The following PCDHGB6 variants were observed in gnomAD, a reference collection of about 807,000 sequenced individuals.
The protein encoded by PCDHGB6 is protocadherin gamma-B6.
Under a neutral mutation model 59.1 loss-of-function variants are expected in PCDHGB6, and 51 were observed. That is an observed-to-expected ratio of 0.86 (90% confidence interval 0.69 to 1.09). The LOEUF is 1.09. PCDHGB6 is among the 50% of genes least tolerant of loss of function. The probability of loss-of-function intolerance (pLI) is 0.00; values close to 1 mark genes in which losing one functional copy is unlikely to be tolerated. For missense variants in PCDHGB6, 1,148 were observed against 1,205.1 expected (o/e 0.95, Z 0.70); for synonymous variants, 466 against 495.1 (o/e 0.94, Z 0.78).
rs2095305446 is a variant in PCDHGB6, at chr5:141,409,715, G to C, written c.1513G>C (p.Val505Leu). 5.6e-6 allele frequency: 9 copies of C among 1,613,084 alleles called. No homozygotes were observed. Among genetic ancestry groups the C allele is most frequent in the Admixed American group, 1.7e-5 (1 of 59,996 alleles). The change falls in exon 1 of 4, where the codon GTG (valine) becomes CTG (leucine). Residue 505 changes from valine (V) to leucine (L), a missense_variant. Val to Leu is a conservative substitution (Grantham distance 32). This residue lies in a region of PCDHGB6 where 549 missense variants were observed against 527.5 expected (regional missense o/e 1.04). Transcript: ENST00000520790. The stretch of plus-strand genomic sequence containing the variant: ...AGAGCCCCTGGCGGTGTCGTCATAC[G>C]TGTCAGTGAGCGCGCAGAGCGGGGT... Reference protein sequence around the residue: ...DLEPLAVSSYVSVSAQSGVVF... With the variant: ...DLEPLAVSSYLSVSAQSGVVF...
At chr5:141,445,269 C>A (rs535300313) in intron 1 of PCDHGB6, among the ~76,000 whole-genome samples, 1 of 152,260 alleles carries the variant, frequency 6.6e-6, no homozygotes, top group Non-Finnish European at 1.5e-5. Flanking sequence ...AAGTCGAAAC[C>A]ACTCTGCATA....
At chr5:141,424,357 G>A (rs1171882619) in intron 1 of PCDHGB6, 1 of 152,122 alleles carries the variant, frequency 6.6e-6, no homozygotes, top group Non-Finnish European at 1.5e-5. Context: ...ATAAAATTTA[G>A]ATCACATTTT....
chr5:141,445,825 G>A (rs1031190864), intron 1 of PCDHGB6, among the ~76,000 whole-genome samples: 8 of 152,124 alleles, frequency 5.3e-5, no homozygotes, highest in Non-Finnish European at 1.2e-4. Context: ...AATAAGGCAG[G>A]GAGAGCCTTG....
intron 1 of PCDHGB6, chr5:141,420,925 G>A: frequency 2.8e-6 from 1 of 355,536 alleles, no homozygotes; most frequent in Non-Finnish European, 5.1e-6. Context: ...TCACAAAGGT[G>A]AGCGTAATCA....
At chr5:141,436,829 G>C (rs1194891483) in intron 1 of PCDHGB6, among the ~76,000 whole-genome samples, 3 of 152,214 alleles carry the variant, frequency 2.0e-5, no homozygotes, top group African/African-American at 7.2e-5. Flanking sequence ...AAAATCTTAA[G>C]TGCCTAGGCA....
At chr5:141,478,189 C>T (rs774322691) in intron 1 of PCDHGB6, 1 of 1,614,020 alleles carries the variant, frequency 6.2e-7, no homozygotes, top group South Asian at 1.1e-5. Context: ...AAAATCTCAC[C>T]TTTTATCTAC....
In PCDHGB6 at chr5:141,408,237, G is replaced by C. The variant is rs1445060280; in HGVS notation, c.35G>C (p.Gly12Ala). 3.2e-6 allele frequency: 5 copies of C among 1,575,002 alleles called. No individual in the cohort carries two copies. In the South Asian group the frequency reaches 4.6e-5, roughly 14 times the overall value. Residue 12 changes from glycine (G) to alanine (A), a missense_variant, in exon 1 of 4, where the codon GGC becomes GCC. By Grantham distance (60) the Gly-to-Ala change is moderately conservative. Around this residue, in one of 5 missense-constraint regions of PCDHGB6, gnomAD observed 307 missense variants for 323.8 expected, o/e 0.95. Transcript: ENST00000520790. ...AGCTGCGCGCAGAGGCGCCGGGCCG[G>C]CCCGCGGCAGGTGCTATTTCCTTTG... ...GGSCAQRRRA[G>A]PRQVLFPLLL...
Position 141,511,178 on chromosome 5 carries a change from G to A in PCDHGB6, c.*5G>A. The A allele has an allele frequency of 6.2e-7, 1 of 1,614,090 alleles. No homozygotes were observed. Among genetic ancestry groups the A allele is most frequent in the South Asian group, 1.1e-5 (1 of 91,074 alleles). On this transcript the variant is annotated 3_prime_UTR_variant, in exon 4 of 4. Coordinates refer to ENST00000520790, the MANE Select transcript of PCDHGB6 (RefSeq NM_018926.3). ...GGCAAGAAGGAGAAGAAGTAACATG[G>A]AGGCCAGGCCAAGAGCCACAGGGCG...
chr5:141,445,334 A>G (rs1337991795), intron 1 of PCDHGB6, among the ~76,000 whole-genome samples: 1 of 152,224 alleles, frequency 6.6e-6, no homozygotes, highest in African/African-American at 2.4e-5. Context: ...ATCCAGAAAC[A>G]GTAAACATTG....
In PCDHGB6 at chr5:141,495,260, G is replaced by A. The variant is rs368797742; in HGVS notation, c.2477+395G>A. On this transcript the variant is annotated intron_variant, in intron 2 of 3. Transcript: ENST00000520790. ...TATGACCTGGGGCTCAGGCAGAAAA[G>A]CATTTGACCGGAGGAGGCGGTCCGC... Among the ~76,000 whole-genome samples the A allele has an allele frequency of 3.3e-5, 5 of 152,208 alleles. No individual in the cohort carries two copies. The East Asian group carries it at 5.8e-4, about 18-fold the overall frequency.
At chr5:141,505,300 G>A in intron 2 of PCDHGB6, 93 bp from the exon 3 acceptor site, 1 of 1,589,042 alleles carries the variant, frequency 6.3e-7, no homozygotes, top group South Asian at 1.1e-5. Flanking sequence ...GGTAGGGTTA[G>A]GGTACTAGGT....
chr5:141,509,809 A>G (rs13163163), intron 3 of PCDHGB6, among the ~76,000 whole-genome samples: 35,240 of 151,962 alleles, frequency 0.23, 4,247 homozygotes, highest in Admixed American at 0.33. Context: ...CATAGAGCCG[A>G]GCTCTTCTCC....
At position 141,408,870 on chromosome 5, in the gene PCDHGB6, G is replaced by C. The variant is rs780987841; in HGVS notation, c.668G>C (p.Ser223Thr). ...TTGGACGGAGGGGACCCACCAAGAAGTGCCACCGCTCACATAGAAATTTCT... is the reference window on the plus strand; with the variant it reads ...TTGGACGGAGGGGACCCACCAAGAACTGCCACCGCTCACATAGAAATTTCT... ...TALDGGDPPR[S>T]ATAHIEISVK... is the part of the protein sequence containing the mutation. The change falls in exon 1 of 4, where the codon AGT (serine) becomes ACT (threonine). Residue 223 changes from serine to threonine, a missense_variant. Physicochemically the swap from Ser to Thr is moderately conservative, Grantham distance 58. Coordinates refer to ENST00000520790, the MANE Select transcript of PCDHGB6 (RefSeq NM_018926.3). The C allele has an allele frequency of 1.2e-6, 2 of 1,613,656 alleles. No homozygotes were observed. Among genetic ancestry groups the C allele is most frequent in the South Asian group, 1.1e-5 (1 of 91,026 alleles).
chr5:141,413,077 G>A (rs2095603422), intron 1 of PCDHGB6: 1 of 1,287,542 alleles, frequency 7.8e-7, no homozygotes, highest in African/African-American at 1.5e-5. Context: ...AAGTGCCCAG[G>A]CTACAGAGAC....
rs145569377 is a variant in PCDHGB6 at position 141,455,860 on chromosome 5, ATTATTTATTTATTTATTTATTTATTTAT to A, written c.2419-38920_2419-38893del. Among the ~76,000 whole-genome samples the A allele has an allele frequency of 5.0e-5, 7 of 139,848 alleles. No individual in the cohort carries two copies. The South Asian group carries it at 9.2e-4, about 18-fold the overall frequency. 91.7% of individuals were successfully genotyped at this position (139,848 alleles called of 152,430 possible). On this transcript the variant is annotated intron_variant, in intron 1 of 3. Transcript: ENST00000520790. ...CTATCTGCATAAAATAATTTCTTTT[ATTATTTATTTATTTATTTATTTATTTAT>A]TTATTTATTTATTTATTTATTTATT...
chr5:141,482,891 G>A (rs1594277958), intron 1 of PCDHGB6, among the ~76,000 whole-genome samples: 2 of 152,168 alleles, frequency 1.3e-5, no homozygotes, highest in East Asian at 3.8e-4. Flanking sequence ...GGCCAACATG[G>A]TGAAACCTCA....
chr5:141,416,585 A>T (rs2096043494), intron 1 of PCDHGB6: 2 of 152,244 alleles, frequency 1.3e-5, no homozygotes, highest in Non-Finnish European at 2.9e-5. Context: ...GAGGCAAAAT[A>T]AACTTAGAGT....
At chr5:141,479,986 C>T (rs2099510881) in intron 1 of PCDHGB6, among the ~76,000 whole-genome samples, 1 of 152,200 alleles carries the variant, frequency 6.6e-6, no homozygotes, top group Non-Finnish European at 1.5e-5. Flanking sequence ...CATTTACCAA[C>T]TAGGAGTCTG....
Position 141,477,686 on chromosome 5 carries a change from C to T in PCDHGB6, c.2419-17121C>T, listed in dbSNP as rs201090822. Reference sequence around the variant, plus strand: ...CAATGGCATAGTGTCATCCTTAGTGCCCCTAGACTATGAGGATCGGCGGGA... The same window carrying T: ...CAATGGCATAGTGTCATCCTTAGTGTCCCTAGACTATGAGGATCGGCGGGA... On this transcript the variant is annotated intron_variant, in intron 1 of 3. Coordinates refer to ENST00000520790, the MANE Select transcript of PCDHGB6 (RefSeq NM_018926.3). This position sits in a 1 kb window ranked among gnomAD's most constrained non-coding sequence, Gnocchi z 4.9. The T allele has an allele frequency of 4.3e-6, 7 of 1,614,024 alleles. No homozygotes were observed. The highest frequency in any genetic ancestry group is 1.6e-4 in the Middle Eastern group (1 of 6,084).
Sources: gnomAD v4.1 joint callset for allele counts (sites outside exome capture counted in the v4.1 genomes callset) on GRCh38, gnomAD v4.1.1 for gene constraint, gnomAD v4.1.1 regional missense constraint, Gnocchi (gnomAD v3.1) non-coding constraint, MANE v1.5 for transcripts, NCBI Gene and HGNC (gene_info 2026-07-23, HGNC 2026-07-21) for gene names.